The following CDC42BPB variants were observed in gnomAD, a reference collection of about 807,000 sequenced individuals.
CDC42BPB encodes serine/threonine-protein kinase MRCK beta.
Under a neutral mutation model 214.9 loss-of-function variants are expected in CDC42BPB, and 37 were observed. The ratio of observed to expected loss-of-function variants is 0.17; its 90% CI spans 0.13 to 0.23. The LOEUF is 0.23. Ranked by LOEUF, CDC42BPB falls within the 10% of genes least tolerant of loss-of-function variation. The pLI is 1.00. For missense variants in CDC42BPB, 1,694 were observed against 2,227.0 expected (o/e 0.76, Z 4.82); for synonymous variants, 931 against 884.0 (o/e 1.05, Z -0.94).
At chr14:102,977,593 A>G (rs1893812242) in intron 9 of CDC42BPB, among the ~76,000 whole-genome samples, 1 of 152,120 alleles carries the variant, frequency 6.6e-6, no homozygotes, top group Non-Finnish European at 1.5e-5. Flanking sequence ...CCCACAACAC[A>G]CAATCCTTAC....
chr14:103,052,738 G>C (rs1888678681), intron 1 of CDC42BPB, among the ~76,000 whole-genome samples: 2 of 152,204 alleles, frequency 1.3e-5, no homozygotes. Flanking sequence ...TGTGACACCA[G>C]CATCAAGCCT....
intron 2 of CDC42BPB, among the ~76,000 whole-genome samples, chr14:103,011,778 A>G (rs1284951036): frequency 1.3e-5 from 2 of 152,102 alleles, no homozygotes; most frequent in African/African-American, 4.8e-5. Context: ...CATCTGAAGA[A>G]ACTATTTTTG....
rs1363368958 is a variant in CDC42BPB at position 103,001,997 on chromosome 14, C to A, written c.447+1931G>T. On this transcript the variant is annotated intron_variant, in intron 4 of 36. Transcript: ENST00000361246. The surrounding 1 kb of genome is among the most constrained non-coding windows in gnomAD (Gnocchi z 5.8). ...ACCTAGTCTGTCCTGTCACAGAACG[C>A]GGGGTGCTGAGTTAAGCCAGTAAGT... Among the ~76,000 whole-genome samples, 2 of 152,180 alleles carry A rather than the reference C, an allele frequency of 1.3e-5. No homozygotes were observed. The highest frequency in any genetic ancestry group is 4.8e-5 in the African/African-American group (2 of 41,438).
At chr14:102,959,838 T>TTAA in intron 20 of CDC42BPB, 128 bp from the exon 21 acceptor site, 2 of 718,158 alleles carry the variant, frequency 2.8e-6, no homozygotes, top group African/African-American at 2.9e-5. Flanking sequence ...TGATCACAAT[T>TTAA]AAAAAAAAAA....
At position 103,053,603 on chromosome 14, in the gene CDC42BPB, T is replaced by C. The variant is rs1023255261; in HGVS notation, c.175+3396A>G. On this transcript the variant is annotated intron_variant, in intron 1 of 36. Transcript: ENST00000361246. ...GGTGAAACCCCGTCTCTACTAAAAA[T>C]ACAAAAAAATTAGCCAGGCGTGATG... Among the ~76,000 whole-genome samples the C allele has an allele frequency of 1.6e-4, 23 of 147,798 alleles. No individual in the cohort carries two copies. In the East Asian group the frequency reaches 3.2e-3, roughly 20 times the overall value.
chr14:102,938,439 T>C (rs1402176060), intron 34 of CDC42BPB, 28 bp from the exon 35 acceptor site: 21 of 1,513,158 alleles, frequency 1.4e-5, no homozygotes, highest in Non-Finnish European at 1.8e-5. Context: ...CACGTGAGCA[T>C]GCTTGGTTGA....
At chr14:103,024,213 T>C (rs1886926397) in intron 1 of CDC42BPB, among the ~76,000 whole-genome samples, 1 of 152,228 alleles carries the variant, frequency 6.6e-6, no homozygotes, top group South Asian at 2.1e-4. Flanking sequence ...GGCCTCGGAC[T>C]TGTCTCTGTT....
rs1566834746 is a variant in CDC42BPB at position 102,934,491 on chromosome 14, A to ATG, written c.5005-649_5005-648insCA. On this transcript the variant is annotated intron_variant, in intron 36 of 36. Transcript: ENST00000361246. ...GGAGCTTGCAGTGAGCCGAGACTGC[A>ATG]CCACTGCACTCCAGCCTGGGCGACA... Among the ~76,000 whole-genome samples the ATG allele has an allele frequency of 4.6e-5, 7 of 152,090 alleles. No homozygotes were observed. In the East Asian group the frequency reaches 9.7e-4, roughly 21 times the overall value.
intron 12 of CDC42BPB, among the ~76,000 whole-genome samples, chr14:102,973,039 G>A (rs1156690877): frequency 6.6e-6 from 1 of 152,168 alleles, no homozygotes; most frequent in Non-Finnish European, 1.5e-5. Context: ...TGACCTCCCT[G>A]CAGCCAATCT....
At chr14:103,024,113 C>T (rs889581062) in intron 1 of CDC42BPB, among the ~76,000 whole-genome samples, 1 of 152,216 alleles carries the variant, frequency 6.6e-6, no homozygotes, top group Non-Finnish European at 1.5e-5. Context: ...GACGCTCTCC[C>T]ACACACTCCA....
Position 102,938,292 on chromosome 14 carries a change from G to C in CDC42BPB, c.4933+14C>G, listed in dbSNP as rs188926743. The stretch of plus-strand genomic sequence containing the variant: ...ACCTCCCCCAGGGCTGCGGGGGCCA[G>C]GCTTCCCCTGTACCTGATGAGGGCC... On this transcript the variant is annotated intron_variant, in intron 35 of 36. Coordinates refer to ENST00000361246, the MANE Select transcript of CDC42BPB (RefSeq NM_006035.4). 2.4e-4 allele frequency: 386 copies of C among 1,606,882 alleles called. 2 individuals are homozygous for C. In the African/African-American group the frequency reaches 4.7e-3, roughly 20 times the overall value.
Position 102,944,958 on chromosome 14 carries a change from G to C in CDC42BPB, c.3812-471C>G, listed in dbSNP as rs10135776. Among the ~76,000 whole-genome samples the C allele has an allele frequency of 0.17, 25,285 of 152,010 alleles. 4,655 individuals carry two copies. The highest frequency in any genetic ancestry group is 0.46 in the African/African-American group (19,003 of 41,408). Reference sequence around the variant, plus strand: ...ATCCTCTGAAGACGCTGCCCTCACAGGGCCCCCAGTGAAGACACTGCCCTC... The same window carrying C: ...ATCCTCTGAAGACGCTGCCCTCACACGGCCCCCAGTGAAGACACTGCCCTC... On this transcript the variant is annotated intron_variant, in intron 29 of 36. Transcript: ENST00000361246. This position sits in a 1 kb window ranked among gnomAD's most constrained non-coding sequence, Gnocchi z 6.6.
chr14:102,995,953 A>G (rs752270463), intron 5 of CDC42BPB, among the ~76,000 whole-genome samples: 20 of 152,250 alleles, frequency 1.3e-4, no homozygotes, highest in Admixed American at 3.3e-4. Context: ...CAGTCTGAAT[A>G]ATGAGTTAAT....
In CDC42BPB at chr14:102,983,706, G is replaced by T. The variant is rs1894111164; in HGVS notation, c.741C>A (p.Ile247=). The part of the protein sequence containing the change: ...VGTPDYISPE[I]LQAMEDGMGK... Reference sequence around the variant, plus strand: ...CCATGCCGTCCTCCATCGCCTGCAGGATCTCCGGCGAGATGTAGTCAGGTG... The same window carrying T: ...CCATGCCGTCCTCCATCGCCTGCAGTATCTCCGGCGAGATGTAGTCAGGTG... Residue 247 remains isoleucine, a synonymous_variant, in exon 7 of 37, where the codon ATC becomes ATA. Transcript: ENST00000361246. 6.2e-7 allele frequency: 1 copy of T among 1,613,776 alleles called. No individual in the cohort carries two copies. Among genetic ancestry groups the T allele is most frequent in the African/African-American group, 1.3e-5 (1 of 74,938 alleles).
chr14:102,946,668 A>G lies in CDC42BPB; in HGVS notation c.3548T>C (p.Leu1183Ser). The G allele has an allele frequency of 1.9e-6, 3 of 1,612,742 alleles. No individual in the cohort carries two copies. The highest frequency in any genetic ancestry group is 2.5e-6 in the Non-Finnish European group (3 of 1,179,934). Residue 1183 changes from leucine (L) to serine (S), a missense_variant, in exon 28 of 37, where the codon TTA (leucine) becomes TCA (serine). Around this residue, in one of 7 missense-constraint regions of CDC42BPB, gnomAD observed 567 missense variants for 790.3 expected, o/e 0.72. Coordinates refer to ENST00000361246, the MANE Select transcript of CDC42BPB (RefSeq NM_006035.4). ...CGAGCTGGTCTTAGAAGGTGCACCT[A>G]AGAGAGAGGCCGTCACCTTCATGAC... Reference protein sequence around the residue: ...PCIFRVTASLLGAPSKTSSLL... With the variant: ...PCIFRVTASLSGAPSKTSSLL...
chr14:102,952,461 T>C (rs1892533430), intron 24 of CDC42BPB, 37 bp downstream of exon 24: 2 of 1,336,844 alleles, frequency 1.5e-6, no homozygotes, highest in African/African-American at 2.9e-5. Context: ...GGTGTGGGGC[T>C]GTGCACGCTG....
intron 36 of CDC42BPB, among the ~76,000 whole-genome samples, chr14:102,934,799 C>G (rs1891566813): frequency 1.3e-5 from 2 of 151,926 alleles, no homozygotes; most frequent in South Asian, 4.2e-4. Flanking sequence ...ATCATGAGGT[C>G]AGGAGATTGA....
At chr14:103,005,881 G>A (rs1402011417) in intron 3 of CDC42BPB, among the ~76,000 whole-genome samples, 4 of 151,870 alleles carry the variant, frequency 2.6e-5, no homozygotes, top group Non-Finnish European at 4.4e-5. Context: ...TTAGCTAGGC[G>A]TGGTGGCGGG....
intron 1 of CDC42BPB, among the ~76,000 whole-genome samples, chr14:103,056,658 G>A (rs1888976486): frequency 6.6e-6 from 1 of 151,002 alleles, no homozygotes; most frequent in Admixed American, 6.6e-5. Flanking sequence ...AAGCCGCCAG[G>A]GCGAGGGCCC....
Sources: allele counts gnomAD v4.1 joint callset (sites outside exome capture counted in the v4.1 genomes callset), GRCh38; gene constraint gnomAD v4.1.1; regional missense constraint gnomAD v4.1.1; non-coding constraint Gnocchi (gnomAD v3.1); transcripts MANE v1.5; gene names NCBI Gene and HGNC (gene_info 2026-07-23, HGNC 2026-07-21).